Variants in TENM3 observed in about 807,000 individuals in gnomAD.
The protein encoded by TENM3 is teneurin transmembrane protein 3.
TENM3 carries 63 observed loss-of-function variants against 255.1 expected under a neutral mutation model. The observed-to-expected ratio is 0.25, with a 90% confidence interval of 0.20 to 0.30. The LOEUF (loss-of-function observed/expected upper bound fraction) is 0.30, where lower values mean the gene tolerates loss of function less well. Among genes scored for constraint, TENM3 ranks in the 10% least tolerant of loss-of-function variants. TENM3 has a pLI of 1.00. For synonymous variants in TENM3, 1,306 were observed against 1,322.3 expected (o/e 0.99, Z 0.27); for missense variants, 2,929 against 3,461.1 (o/e 0.85, Z 3.86).
chr4:181,777,560 G>A, the TENM3 span, among the ~76,000 whole-genome samples: 1 of 151,888 alleles, frequency 6.6e-6, no homozygotes, highest in Non-Finnish European at 1.5e-5. Context: ...CTTTCCATTT[G>A]TTCCTGCTAT....
chr4:182,376,905 C>T (rs11132122), intron 3 of TENM3, among the ~76,000 whole-genome samples: 83,881 of 151,990 alleles, frequency 0.55, 23,491 homozygotes, highest in South Asian at 0.61. Flanking sequence ...TAGACACAGG[C>T]AGATTGATTG....
chr4:182,054,092 A>G, the TENM3 span, among the ~76,000 whole-genome samples: 2 of 152,188 alleles, frequency 1.3e-5, no homozygotes, highest in Middle Eastern at 3.4e-3. Context: ...GCCCTCATTT[A>G]CCTTTTCAAA....
At chr4:182,501,376 G>T (rs56021618) in intron 3 of TENM3, among the ~76,000 whole-genome samples, 24,001 of 139,104 alleles carry the variant, frequency 0.17, 3,240 homozygotes, top group African/African-American at 0.37. Context: ...CTAAAAGTGG[G>T]GGGGGGGGTT....
chr4:182,743,494 A>G, intron 19 of TENM3, 75 bp downstream of exon 19: 4 of 1,505,024 alleles, frequency 2.7e-6, no homozygotes, highest in Non-Finnish European at 3.7e-6. Context: ...AGTCTGATGT[A>G]CTGATTTATT....
At chr4:182,551,484 CTT>C (rs1248021773) in intron 3 of TENM3, among the ~76,000 whole-genome samples, 1 of 151,940 alleles carries the variant, frequency 6.6e-6, no homozygotes, top group Non-Finnish European at 1.5e-5. Flanking sequence ...GAAGAAATAA[CTT>C]TTCAAACTGT....
the TENM3 span, among the ~76,000 whole-genome samples, chr4:181,661,176 A>T: frequency 6.6e-6 from 1 of 152,166 alleles, no homozygotes; most frequent in African/African-American, 2.4e-5. Context: ...CTTTAATGGC[A>T]TAAAAACTGA....
chr4:182,411,970 TG>T (rs1770019166), intron 3 of TENM3, among the ~76,000 whole-genome samples: 1 of 152,170 alleles, frequency 6.6e-6, no homozygotes, highest in Admixed American at 6.6e-5. Flanking sequence ...TACTGGACTC[TG>T]GGTAGAGAAA....
At chr4:181,630,075 T>C in the TENM3 span, among the ~76,000 whole-genome samples, 1 of 152,232 alleles carries the variant, frequency 6.6e-6, no homozygotes, top group Non-Finnish European at 1.5e-5. Flanking sequence ...GGAGGGTGTA[T>C]GTGTCGAGGA....
At chr4:181,670,089 A>G in the TENM3 span, among the ~76,000 whole-genome samples, 4 of 152,226 alleles carry the variant, frequency 2.6e-5, no homozygotes, top group Non-Finnish European at 4.4e-5. Flanking sequence ...AATGTAGAAG[A>G]TAAACAGCTT....
chr4:181,451,717 T>C, the TENM3 span, among the ~76,000 whole-genome samples: 73,958 of 151,986 alleles, frequency 0.49, 18,458 homozygotes, highest in African/African-American at 0.56. Flanking sequence ...GAAAACATGG[T>C]AATGTTCCTT....
At chr4:181,849,720 T>C in the TENM3 span, among the ~76,000 whole-genome samples, 1 of 152,138 alleles carries the variant, frequency 6.6e-6, no homozygotes, top group Non-Finnish European at 1.5e-5. Context: ...ACAGACATCA[T>C]TGGAATTTTT....
chr4:182,796,531 AG>A, intron 26 of TENM3, 105 bp from the exon 27 acceptor site: 2 of 1,101,042 alleles, frequency 1.8e-6, no homozygotes, highest in Non-Finnish European at 1.3e-6. Flanking sequence ...GCTCTTTTTC[AG>A]ATTATTAATT....
chr4:182,393,962 C>T (rs2150994165), intron 3 of TENM3, among the ~76,000 whole-genome samples: 1 of 152,266 alleles, frequency 6.6e-6, no homozygotes, highest in South Asian at 2.1e-4. Context: ...TGACCAGAAA[C>T]CATGCATGAA....
the TENM3 span, among the ~76,000 whole-genome samples, chr4:181,996,866 G>A: frequency 6.6e-6 from 1 of 152,148 alleles, no homozygotes; most frequent in African/African-American, 2.4e-5. Context: ...ACTGAGAAAG[G>A]AGACTGTCTG....
chr4:181,999,083 G>A, the TENM3 span, among the ~76,000 whole-genome samples: 587 of 152,292 alleles, frequency 3.9e-3, 4 homozygotes, highest in African/African-American at 0.013. Context: ...TTGATTTCCT[G>A]AGTCCTTCCC....
chr4:181,862,050 G>C, the TENM3 span, among the ~76,000 whole-genome samples: 5 of 152,078 alleles, frequency 3.3e-5, no homozygotes, highest in Non-Finnish European at 7.4e-5. Flanking sequence ...GGCTTGGGTG[G>C]AAACTGTTAA....
the TENM3 span, among the ~76,000 whole-genome samples, chr4:181,540,076 A>C: frequency 1.3e-5 from 2 of 152,142 alleles, no homozygotes; most frequent in African/African-American, 4.8e-5. Flanking sequence ...TGGTGCCAGA[A>C]ACTAAGAAGT....
chr4:181,915,837 A>G, the TENM3 span, among the ~76,000 whole-genome samples: 2 of 152,120 alleles, frequency 1.3e-5, no homozygotes, highest in Non-Finnish European at 2.9e-5. Context: ...ACCACGAGTA[A>G]CGTGTACAAT....
At chr4:181,792,805 T>A in the TENM3 span, among the ~76,000 whole-genome samples, 1 of 152,200 alleles carries the variant, frequency 6.6e-6, no homozygotes, top group Admixed American at 6.6e-5. Context: ...TTAACCCACT[T>A]CTCCCTATTG....
Sources: allele counts gnomAD v4.1 joint callset (sites outside exome capture counted in the v4.1 genomes callset), GRCh38; gene constraint gnomAD v4.1.1; transcripts MANE v1.5; gene names NCBI Gene and HGNC (gene_info 2026-07-23, HGNC 2026-07-21).